PRDM16: variants seen among roughly 807,000 people sequenced by gnomAD.
The protein encoded by PRDM16 is histone-lysine N-methyltransferase PRDM16.
A neutral mutation model predicts 110.6 loss-of-function variants in PRDM16; 23 were observed. That is an observed-to-expected ratio of 0.21 (90% CI 0.15 to 0.29). PRDM16 has a LOEUF of 0.29. Ranked by LOEUF, PRDM16 falls within the 10% of genes least tolerant of loss-of-function variation. PRDM16 has a pLI of 1.00. For missense variants in PRDM16, 1,615 were observed against 1,794.3 expected, an observed-to-expected ratio of 0.90 and a Z score of 1.81; for synonymous variants, 799 against 781.8, an observed-to-expected ratio of 1.02 and a Z score of -0.37.
At chr1:3,138,508 C>T (rs762303640) in intron 1 of PRDM16, among the ~76,000 whole-genome samples, 7 of 152,218 alleles carry the variant, frequency 4.6e-5, no homozygotes, top group African/African-American at 9.6e-5. Context: ...GAAGTCTTCA[C>T]GCCGGGGTGG....
chr1:3,144,325 G>C (rs1643605391), intron 1 of PRDM16, among the ~76,000 whole-genome samples: 1 of 152,222 alleles, frequency 6.6e-6, no homozygotes, highest in Admixed American at 6.5e-5. Flanking sequence ...GATGCAGACA[G>C]GCCCGTGTGG....
At chr1:3,216,943 C>A (rs944361353) in intron 2 of PRDM16, among the ~76,000 whole-genome samples, 3 of 152,248 alleles carry the variant, frequency 2.0e-5, no homozygotes, top group African/African-American at 7.2e-5. Context: ...CTCTGACAGC[C>A]TGAAGCCACC....
rs1468735045 is a variant in PRDM16, at chr1:3,359,049, T to G, written c.439-26103T>G. 6.6e-6 allele frequency among the ~76,000 whole-genome samples: 1 copy of G among 152,160 alleles called. No individual in the cohort carries two copies. ...CAACTAGAGTCTTCAAATCAACCAA[T>G]GTCCATTATTTGGAGGGTCTCACTC... is the stretch of plus-strand genomic sequence containing the variant. On this transcript the variant is annotated intron_variant, in intron 3 of 16. Transcript: ENST00000270722. The surrounding 1 kb of genome is among the most constrained non-coding windows in gnomAD (Gnocchi z 4.3).
In PRDM16 at chr1:3,211,005, T is replaced by G. The variant is rs140194947; in HGVS notation, c.387+24531T>G. On this transcript the variant is annotated intron_variant, in intron 2 of 16. Transcript: ENST00000270722. ...ATGAGATATTTGTCTATTCACTCAT[T>G]AGGCATGTATTTGTTCATACATTTA... 6.7e-3 allele frequency among the ~76,000 whole-genome samples: 1,016 copies of G among 152,368 alleles called. 16 individuals carry two copies. Among genetic ancestry groups the G allele is most frequent in the African/African-American group, 0.023 (969 of 41,586 alleles).
intron 1 of PRDM16, among the ~76,000 whole-genome samples, chr1:3,146,460 TG>T (rs1371158431): frequency 1.2e-4 from 18 of 151,724 alleles, no homozygotes; most frequent in Admixed American, 7.2e-4. Flanking sequence ...GTGTTCAGTG[TG>T]GGGTGTGCGC....
At chr1:3,079,231 G>A (rs1320478265) in intron 1 of PRDM16, among the ~76,000 whole-genome samples, 2 of 152,226 alleles carry the variant, frequency 1.3e-5, no homozygotes, top group African/African-American at 4.8e-5. Context: ...GAGAGGTCTC[G>A]GCTATGTCAG....
intron 2 of PRDM16, among the ~76,000 whole-genome samples, chr1:3,226,556 A>T (rs1249086709): frequency 2.0e-5 from 3 of 152,184 alleles, no homozygotes; most frequent in African/African-American, 7.2e-5. Context: ...AAAACCTTGC[A>T]ATTAATACTC....
At chr1:3,402,074 C>T (rs1157796219) in intron 5 of PRDM16, among the ~76,000 whole-genome samples, 2 of 152,292 alleles carry the variant, frequency 1.3e-5, no homozygotes, top group Admixed American at 6.5e-5. Flanking sequence ...CAGCTGCCTG[C>T]TCATGCCCAA....
chr1:3,146,766 GGT>G (rs1381068070), intron 1 of PRDM16, among the ~76,000 whole-genome samples: 3 of 138,896 alleles, frequency 2.2e-5, no homozygotes, highest in East Asian at 2.3e-4. Context: ...CGGTGTAGGG[GGT>G]GTGTGTGCAC....
chr1:3,199,936 T>A (rs896988086), intron 2 of PRDM16, among the ~76,000 whole-genome samples: 1 of 152,222 alleles, frequency 6.6e-6, no homozygotes, highest in Non-Finnish European at 1.5e-5. Flanking sequence ...AGGGATGTCC[T>A]TGTGTTCCGT....
intron 3 of PRDM16, among the ~76,000 whole-genome samples, chr1:3,272,192 C>T (rs1056607680): frequency 1.8e-4 from 28 of 152,194 alleles, no homozygotes; most frequent in African/African-American, 6.3e-4. Context: ...GCTCTCAGAC[C>T]GGATCCTGCT....
intron 3 of PRDM16, among the ~76,000 whole-genome samples, chr1:3,327,985 C>G (rs1208854126): frequency 6.6e-6 from 1 of 152,244 alleles, no homozygotes; most frequent in African/African-American, 2.4e-5. Flanking sequence ...TGGGTTTTCT[C>G]AGAGACCCCT....
At chr1:3,363,598 T>C (rs1242883987) in intron 3 of PRDM16, among the ~76,000 whole-genome samples, 1 of 152,190 alleles carries the variant, frequency 6.6e-6, no homozygotes, top group African/African-American at 2.4e-5. Flanking sequence ...TATCCTGCCT[T>C]GATTTCATGA....
rs998525334 is a variant in PRDM16, at chr1:3,246,407, C to T, written c.438+2270C>T. ...CCATCCCACGGAATCAGAGCAGACC[C>T]GATGCACGAGACCCCCCACGGCACC... On this transcript the variant is annotated intron_variant, in intron 3 of 16. Coordinates refer to ENST00000270722, the MANE Select transcript of PRDM16 (RefSeq NM_022114.4). The surrounding 1 kb of genome is among the most constrained non-coding windows in gnomAD (Gnocchi z 5.2). Among the ~76,000 whole-genome samples the T allele has an allele frequency of 4.6e-5, 7 of 152,184 alleles. No homozygotes were observed. Among genetic ancestry groups the T allele is most frequent in the South Asian group, 2.1e-4 (1 of 4,828 alleles).
rs146504628 is a variant in PRDM16 at position 3,092,393 on chromosome 1, T to C, written c.37+23097T>C. ...ACTGCTCATCCTTAAAGCCTTTTCCTCACACGTGCCCATACCCTGCAGGCA... is the reference window on the plus strand; with the variant it reads ...ACTGCTCATCCTTAAAGCCTTTTCCCCACACGTGCCCATACCCTGCAGGCA... On this transcript the variant is annotated intron_variant, in intron 1 of 16. Transcript: ENST00000270722. 4.3e-3 allele frequency among the ~76,000 whole-genome samples: 659 copies of C among 152,286 alleles called. 3 individuals carry two copies. Among genetic ancestry groups the C allele is most frequent in the African/African-American group, 0.014 (593 of 41,554 alleles).
At chr1:3,131,785 C>T (rs990120102) in intron 1 of PRDM16, among the ~76,000 whole-genome samples, 2 of 152,188 alleles carry the variant, frequency 1.3e-5, no homozygotes, top group African/African-American at 4.8e-5. Context: ...GAGGCCGTGG[C>T]CCAGGCTGCG....
chr1:3,292,317 C>T (rs1433051375), intron 3 of PRDM16, among the ~76,000 whole-genome samples: 2 of 152,194 alleles, frequency 1.3e-5, no homozygotes, highest in Non-Finnish European at 2.9e-5. Context: ...CACGGCAGGC[C>T]CGGGCTTTCC....
At chr1:3,147,196 C>T (rs148102489) in intron 1 of PRDM16, among the ~76,000 whole-genome samples, 7 of 149,696 alleles carry the variant, frequency 4.7e-5, no homozygotes, top group South Asian at 2.1e-4. Context: ...TGGGTGTGGA[C>T]GTGTGTGTTC....
Position 3,138,060 on chromosome 1 carries a change from T to A in PRDM16, c.38-48065T>A. ...GCTGGGAGTTGGAATCCCGTGTAAG[T>A]TCCCCCTGTGAAGGGCTCCAGCCTG... On this transcript the variant is annotated intron_variant, in intron 1 of 16. Transcript: ENST00000270722. 2.6e-5 allele frequency among the ~76,000 whole-genome samples: 4 copies of A among 152,296 alleles called. 1 individual carries two copies. The highest frequency in any genetic ancestry group is 2.6e-4 in the Admixed American group (4 of 15,306).
Sources: gnomAD v4.1 joint callset for allele counts (sites outside exome capture counted in the v4.1 genomes callset) on GRCh38, gnomAD v4.1.1 for gene constraint, Gnocchi (gnomAD v3.1) non-coding constraint, MANE v1.5 for transcripts, NCBI Gene and HGNC (gene_info 2026-07-23, HGNC 2026-07-21) for gene names.